Variants in ZNF664 observed in about 807,000 individuals in gnomAD.
ZNF664 encodes zinc finger Organ of Corti 1.
ZNF664 carries 10 observed loss-of-function variants against 18.2 expected under a neutral mutation model. The ratio of observed to expected loss-of-function variants is 0.55; its 90% CI spans 0.34 to 0.93. The LOEUF (loss-of-function observed/expected upper bound fraction) is 0.93. ZNF664 is among the 40% of genes least tolerant of loss of function. The pLI is 0.02. For synonymous variants in ZNF664, 119 were observed against 104.2 expected (o/e 1.14, Z -0.86); for missense variants, 193 against 319.0 (o/e 0.61, Z 3.01).
rs1957149639 is a variant in ZNF664 at position 124,012,939 on chromosome 12, G to A, written c.*9G>A. 1 of 1,610,016 alleles carries A rather than the reference G, an allele frequency of 6.2e-7. No individual in the cohort carries two copies. The highest frequency in any genetic ancestry group is 8.5e-7 in the Non-Finnish European group (1 of 1,178,644). On this transcript the variant is annotated 3_prime_UTR_variant, in exon 5 of 5. Coordinates refer to ENST00000337815, the MANE Select transcript of ZNF664 (RefSeq NM_152437.3). The stretch of plus-strand genomic sequence containing the variant: ...AAATATCAGTTATATAAAACGTTTT[G>A]CTAAGAGTTTAAAATCTTAAAACCC...
chr12:124,013,146 T>C lies in ZNF664; in HGVS notation c.*216T>C. 3.1e-6 allele frequency: 2 copies of C among 649,264 alleles called. No individual in the cohort carries two copies. Among genetic ancestry groups the C allele is most frequent in the Non-Finnish European group, 5.2e-6 (2 of 386,120 alleles). 40.2% of individuals were successfully genotyped at this position (649,264 alleles called of 1,614,324 possible). On this transcript the variant is annotated 3_prime_UTR_variant, in exon 5 of 5. Transcript: ENST00000337815. Reference sequence around the variant, plus strand: ...CCTCTGAGCATCCACGCAGGATGGCTCTCAGGTCCCAGTCACAGACGTCGC... The same window carrying C: ...CCTCTGAGCATCCACGCAGGATGGCCCTCAGGTCCCAGTCACAGACGTCGC...
intron 3 of ZNF664, among the ~76,000 whole-genome samples, chr12:123,988,496 C>G (rs145443500): frequency 2.4e-3 from 370 of 152,180 alleles, no homozygotes; most frequent in Non-Finnish European, 3.8e-3. Flanking sequence ...GATCTCATGC[C>G]ACCCTTTGTC....
intron 3 of ZNF664, among the ~76,000 whole-genome samples, chr12:123,993,568 G>A (rs1956912361): frequency 6.6e-6 from 1 of 152,210 alleles, no homozygotes; most frequent in Non-Finnish European, 1.5e-5. Flanking sequence ...AGAGACTAGT[G>A]AGGAGGTAGA....
At chr12:123,998,966 T>G (rs186216724) in intron 3 of ZNF664, among the ~76,000 whole-genome samples, 1 of 152,294 alleles carries the variant, frequency 6.6e-6, no homozygotes, top group Admixed American at 6.5e-5. Context: ...AATCAACATG[T>G]GTTAGAGGAC....
intron 3 of ZNF664, among the ~76,000 whole-genome samples, chr12:123,996,441 ATAACAATTCAAGAT>A (rs1956949442): frequency 6.6e-6 from 1 of 152,198 alleles, no homozygotes; most frequent in Admixed American, 6.5e-5. Context: ...CTGGAGATGC[ATAACAATTCAAGAT>A]TTTGGAGATA....
intron 2 of ZNF664, 97 bp downstream of exon 2, chr12:123,974,117 C>G: frequency 5.4e-6 from 5 of 926,708 alleles, no homozygotes; most frequent in Non-Finnish European, 7.0e-6. Flanking sequence ...TCTCACTGTC[C>G]CCGGCTTCTC....
intron 3 of ZNF664, among the ~76,000 whole-genome samples, chr12:123,994,814 A>G (rs1956928938): frequency 6.6e-6 from 1 of 152,212 alleles, no homozygotes; most frequent in Admixed American, 6.5e-5. Context: ...ATCTTTTACA[A>G]ACTGTGTGAC....
Position 124,012,497 on chromosome 12 carries a change from G to T in ZNF664, c.353G>T (p.Ser118Ile). Residue 118 changes from serine to isoleucine, a missense_variant, in exon 5 of 5, where the codon AGT becomes ATT. Transcript: ENST00000337815. ...VHTGEKPYVC[S>I]ECGRGFSNSS... ...ACAGGTGAGAAACCGTATGTCTGTA[G>T]TGAGTGTGGAAGGGGCTTTAGTAAT... 6.2e-7 allele frequency: 1 copy of T among 1,614,212 alleles called. No homozygotes were observed. The highest frequency in any genetic ancestry group is 8.5e-7 in the Non-Finnish European group (1 of 1,180,044).
intron 2 of ZNF664, among the ~76,000 whole-genome samples, chr12:123,979,414 A>G (rs775344788): frequency 8.5e-5 from 13 of 152,226 alleles, no homozygotes; most frequent in Non-Finnish European, 1.9e-4. Context: ...GCGATGTAAA[A>G]GAGGCACCTA....
chr12:124,008,827 C>G lies in ZNF664; in HGVS notation c.-660-2554C>G, dbSNP rs191242927. ...CTCTGTGTTCCTTTGGCACGGCCCTCTTGCTTTCTGGCATAACAGGATGTC... is the reference window on the plus strand; with the variant it reads ...CTCTGTGTTCCTTTGGCACGGCCCTGTTGCTTTCTGGCATAACAGGATGTC... On this transcript the variant is annotated intron_variant, in intron 3 of 4. Coordinates refer to ENST00000337815, the MANE Select transcript of ZNF664 (RefSeq NM_152437.3). Among the ~76,000 whole-genome samples, 23 of 152,190 alleles carry G rather than the reference C, an allele frequency of 1.5e-4. No individual in the cohort carries two copies. In the East Asian group the frequency reaches 4.1e-3, roughly 27 times the overall value.
intron 2 of ZNF664, among the ~76,000 whole-genome samples, chr12:123,985,734 A>G (rs1485534550): frequency 1.3e-5 from 2 of 152,206 alleles, no homozygotes; most frequent in Non-Finnish European, 2.9e-5. Flanking sequence ...GTGGAATGGC[A>G]GGTTCCAGCT....
intron 3 of ZNF664, among the ~76,000 whole-genome samples, chr12:124,002,146 G>T (rs1237496379): frequency 6.6e-6 from 1 of 152,230 alleles, no homozygotes; most frequent in African/African-American, 2.4e-5. Context: ...GACAACGCAT[G>T]TGCTGAGGCC....
intron 3 of ZNF664, among the ~76,000 whole-genome samples, chr12:123,988,385 G>A (rs150084456): frequency 1.4e-4 from 21 of 152,202 alleles, no homozygotes; most frequent in African/African-American, 4.8e-4. Context: ...TGTTCCCTGG[G>A]ATCTTCATTT....
chr12:124,000,533 A>G (rs1393970339), intron 3 of ZNF664, among the ~76,000 whole-genome samples: 2 of 152,166 alleles, frequency 1.3e-5, no homozygotes, highest in Admixed American at 6.5e-5. Flanking sequence ...GAAGTCTAAC[A>G]TGCAGATTAT....
chr12:123,974,182 C>G (rs1956649801), intron 2 of ZNF664, 162 bp downstream of exon 2: 1 of 442,902 alleles, frequency 2.3e-6, no homozygotes, highest in African/African-American at 2.0e-5. Context: ...CATCTCTCCG[C>G]CACATCACCT....
chr12:123,990,176 G>A (rs1013636751), intron 3 of ZNF664, among the ~76,000 whole-genome samples: 10 of 152,168 alleles, frequency 6.6e-5, no homozygotes, highest in Non-Finnish European at 2.9e-5. Flanking sequence ...AGTTTGTGTT[G>A]CAAGATGAAA....
At chr12:123,976,655 G>T (rs1290679794) in intron 2 of ZNF664, among the ~76,000 whole-genome samples, 4 of 152,052 alleles carry the variant, frequency 2.6e-5, no homozygotes, top group Non-Finnish European at 5.9e-5. Context: ...GGCGTGTTGG[G>T]GGTGGAGAGT....
intron 3 of ZNF664, among the ~76,000 whole-genome samples, chr12:123,994,050 G>A (rs1194684390): frequency 5.9e-5 from 9 of 152,176 alleles, no homozygotes; most frequent in African/African-American, 1.2e-4. Flanking sequence ...GTTCTTTCTT[G>A]TAGTGTTTAG....
At chr12:123,973,431 G>A in intron 1 of ZNF664, 79 bp downstream of exon 1, 1 of 850,696 alleles carries the variant, frequency 1.2e-6, no homozygotes, top group Non-Finnish European at 1.4e-6. Flanking sequence ...GGAGCGGGCT[G>A]GGGGTGGGAA....
Sources: gnomAD v4.1 joint callset for allele counts (sites outside exome capture counted in the v4.1 genomes callset) on GRCh38, gnomAD v4.1.1 for gene constraint, MANE v1.5 for transcripts, NCBI Gene and HGNC (gene_info 2026-07-23, HGNC 2026-07-21) for gene names.